The following POTEC variants were observed in gnomAD, a reference collection of about 807,000 sequenced individuals.
POTEC encodes POTE ankyrin domain family member C.
A neutral mutation model predicts 62.0 loss-of-function variants in POTEC; 35 were observed. That is an observed-to-expected ratio of 0.56 (90% CI 0.43 to 0.75). The LOEUF (loss-of-function observed/expected upper bound fraction) is 0.75, where lower values mean the gene tolerates loss of function less well. Among genes scored for constraint, POTEC ranks in the 30% least tolerant of loss-of-function variants. The pLI is 0.00. For missense variants in POTEC, 472 were observed against 655.9 expected, an observed-to-expected ratio of 0.72 and a Z score of 3.06; for synonymous variants, 156 against 221.5, an observed-to-expected ratio of 0.70 and a Z score of 2.62.
chr18:14,526,685 T>G (rs569203922), intron 6 of POTEC, among the ~76,000 whole-genome samples: 103 of 152,110 alleles, frequency 6.8e-4, no homozygotes, highest in Admixed American at 1.0e-3. Context: ...AGTAGGGCAT[T>G]AAGAGCCACT....
chr18:14,521,839 C>T (rs1910317771), intron 9 of POTEC, among the ~76,000 whole-genome samples: 1 of 152,226 alleles, frequency 6.6e-6, no homozygotes, highest in Non-Finnish European at 1.5e-5. Context: ...GAATAACAGA[C>T]ACCAGGGTCT....
chr18:14,541,951 T>C (rs71248474), intron 1 of POTEC, among the ~76,000 whole-genome samples: 2 of 152,268 alleles, frequency 1.3e-5, no homozygotes, highest in East Asian at 3.8e-4. Flanking sequence ...AAATAACACA[T>C]GCACATTTTG....
Position 14,509,204 on chromosome 18 carries a change from G to C in POTEC, c.*2694C>G, listed in dbSNP as rs1002236317. ...CCAGTGGTGGAGGCAAAACAGCTGG[G>C]GTGTGGGCCACGGGCCCCTGCTGAC... On this transcript the variant is annotated 3_prime_UTR_variant, in exon 11 of 11. Coordinates refer to ENST00000358970, the MANE Select transcript of POTEC (RefSeq NM_001137671.2). 2.0e-5 allele frequency: 3 copies of C among 152,170 alleles called. No homozygotes were observed. The highest frequency in any genetic ancestry group is 4.4e-5 in the Non-Finnish European group (3 of 68,100). The allele number at this position is 152,170 out of a possible 1,614,324, so 9.4% of individuals were successfully genotyped here. A position where few individuals can be genotyped will look rare whatever the true frequency, so the allele number is the denominator to read the frequency against.
chr18:14,539,480 T>C (rs1221587776), intron 1 of POTEC, among the ~76,000 whole-genome samples: 2 of 142,142 alleles, frequency 1.4e-5, no homozygotes, highest in African/African-American at 2.7e-5. Context: ...TCTAGGTGTC[T>C]GTGTGTTCTC....
Position 14,542,729 on chromosome 18 carries a change from G to A in POTEC, c.418C>T (p.Leu140=). 6.2e-7 allele frequency: 1 copy of A among 1,613,296 alleles called. No individual in the cohort carries two copies. Residue 140 remains leucine, a synonymous_variant, in exon 1 of 11, where the codon CTG becomes TTG. Transcript: ENST00000358970. Reference sequence around the variant, plus strand: ...CAGGCAGCTCTGTGGAGCTTGTCCAGATCTTCTCGACGGACGTGGTACCTC... The same window carrying A: ...CAGGCAGCTCTGTGGAGCTTGTCCAAATCTTCTCGACGGACGTGGTACCTC... ...EPRYHVRRED[L]DKLHRAAWWG... is the part of the protein sequence containing the mutation.
At position 14,520,342 on chromosome 18, in the gene POTEC, A is replaced by G. The variant is rs545347952; in HGVS notation, c.1409+1912T>C. 1.3e-3 allele frequency among the ~76,000 whole-genome samples: 199 copies of G among 151,056 alleles called. 1 individual carries two copies. The highest frequency in any genetic ancestry group is 4.0e-3 in the African/African-American group (164 of 41,230). ...ACTAAAAGTTGCCTTGACCATTTCT[A>G]GATTACAGAAGCTGATTATTATTTT... On this transcript the variant is annotated intron_variant, in intron 9 of 10. Coordinates refer to ENST00000358970, the MANE Select transcript of POTEC (RefSeq NM_001137671.2).
chr18:14,516,446 G>C (rs1368149558), intron 9 of POTEC, among the ~76,000 whole-genome samples: 14 of 130,582 alleles, frequency 1.1e-4, no homozygotes, highest in African/African-American at 3.7e-4. Flanking sequence ...AAGGTAAAGG[G>C]GAAGCAGGCA....
rs756595669 is a variant in POTEC, at chr18:14,513,717, A to G, written c.1478T>C (p.Ile493Thr). The stretch of plus-strand genomic sequence containing the variant: ...TATCTGCTTTTGTTTATTAGTCAGA[A>G]TCTCATCTTGTGATATTCCAGTGTT... ...EQNTGISQDE[I>T]LTNKQKQIEV... is the part of the protein sequence containing the mutation. The change falls in exon 10 of 11, where the codon ATT (isoleucine) becomes ACT (threonine). Residue 493 changes from isoleucine to threonine, a missense_variant. Physicochemically the swap from Ile to Thr is moderately conservative, Grantham distance 89. Around this residue, in one of 5 missense-constraint regions of POTEC, gnomAD observed 67 missense variants for 58.3 expected, o/e 1.15. Coordinates refer to ENST00000358970, the MANE Select transcript of POTEC (RefSeq NM_001137671.2). 15 of 1,611,794 alleles carry G rather than the reference A, an allele frequency of 9.3e-6. No homozygotes were observed. Among genetic ancestry groups the G allele is most frequent in the Non-Finnish European group, 1.3e-5 (15 of 1,179,792 alleles).
At chr18:14,537,239 C>G (rs941159731) in intron 3 of POTEC, among the ~76,000 whole-genome samples, 2 of 121,604 alleles carry the variant, frequency 1.6e-5, no homozygotes, top group African/African-American at 3.3e-5. Context: ...AAAAAAACCT[C>G]TTCATGGTCT....
chr18:14,529,902 A>C (rs9962424), intron 6 of POTEC, among the ~76,000 whole-genome samples: 3,080 of 151,888 alleles, frequency 0.02, 101 homozygotes, highest in African/African-American at 0.07. Context: ...TTATTTTTTT[A>C]TCTACGGTAG....
chr18:14,542,488 C>A (rs9946778), intron 1 of POTEC, 138 bp downstream of exon 1: 5 of 1,374,698 alleles, frequency 3.6e-6, no homozygotes, highest in Admixed American at 2.3e-5. Flanking sequence ...GGGCCCTGAC[C>A]TCTCTGAGGT....
At chr18:14,516,663 T>TGGGG (rs79190686) in intron 9 of POTEC, among the ~76,000 whole-genome samples, 11 of 136,672 alleles carry the variant, frequency 8.0e-5, no homozygotes, top group African/African-American at 3.1e-4. Flanking sequence ...GCCAAACTAC[T>TGGGG]GGGGGGGGGT....
At chr18:14,535,726 A>C (rs1223139082) in intron 3 of POTEC, among the ~76,000 whole-genome samples, 1 of 152,046 alleles carries the variant, frequency 6.6e-6, no homozygotes, top group Non-Finnish European at 1.5e-5. Flanking sequence ...AAGGTTTAGA[A>C]TTTGCTACAA....
chr18:14,514,759 C>T (rs1269323505), intron 9 of POTEC, among the ~76,000 whole-genome samples: 1 of 152,000 alleles, frequency 6.6e-6, no homozygotes, highest in South Asian at 2.1e-4. Context: ...AAGAGAAAGT[C>T]AAACTCTCTC....
intron 5 of POTEC, among the ~76,000 whole-genome samples, chr18:14,532,845 T>C (rs1905570255): frequency 1.3e-5 from 2 of 151,896 alleles, no homozygotes; most frequent in African/African-American, 4.8e-5. Context: ...GATAAAGGTC[T>C]TAAAAGTCCT....
At chr18:14,542,502 C>T in intron 1 of POTEC, 124 bp downstream of exon 1, 2 of 1,481,890 alleles carry the variant, frequency 1.3e-6, no homozygotes, top group Non-Finnish European at 9.1e-7. Flanking sequence ...CTGAGGTTTC[C>T]ACACCCAGGG....
At chr18:14,516,861 AAAGTTGTAT>A (rs1305305618) in intron 9 of POTEC, among the ~76,000 whole-genome samples, 1 of 151,866 alleles carries the variant, frequency 6.6e-6, no homozygotes, top group Non-Finnish European at 1.5e-5. Flanking sequence ...TAAATGAGGT[AAAGTTGTAT>A]AAGAATATCA....
intron 9 of POTEC, among the ~76,000 whole-genome samples, chr18:14,518,434 T>C (rs1910222162): frequency 6.6e-6 from 1 of 152,030 alleles, no homozygotes; most frequent in South Asian, 2.1e-4. Context: ...CTTTTATTTG[T>C]ATATAAAAGT....
In POTEC at chr18:14,522,499, G is replaced by T. The variant is rs1216710552; in HGVS notation, c.1243-79C>A. 1.8e-5 allele frequency: 27 copies of T among 1,526,756 alleles called. No homozygotes were observed. In the East Asian group the frequency reaches 5.7e-4, roughly 33 times the overall value. 94.6% of individuals were successfully genotyped at this position (1,526,756 alleles called of 1,614,324 possible). ...ACCTTTTTAATTGATTTTATCAATT[G>T]ACTCAGTTTGCCATTATTTTAGTCA... On this transcript the variant is annotated intron_variant, in intron 8 of 10. Coordinates refer to ENST00000358970, the MANE Select transcript of POTEC (RefSeq NM_001137671.2).
Sources: gnomAD v4.1 joint callset for allele counts (sites outside exome capture counted in the v4.1 genomes callset) on GRCh38, gnomAD v4.1.1 for gene constraint, gnomAD v4.1.1 regional missense constraint, MANE v1.5 for transcripts, NCBI Gene and HGNC (gene_info 2026-07-23, HGNC 2026-07-21) for gene names.